CSMD2: variants seen among roughly 807,000 people sequenced by gnomAD.
CSMD2 encodes CUB and Sushi multiple domains 2.
Under a neutral mutation model 398.5 loss-of-function variants are expected in CSMD2, and 130 were observed. That is an observed-to-expected ratio of 0.33 (90% CI 0.28 to 0.38). CSMD2 has a LOEUF of 0.38. Ranked by LOEUF, CSMD2 falls within the 10% of genes least tolerant of loss-of-function variation. The pLI, the probability that CSMD2 is intolerant of heterozygous loss-of-function variation, is 1.00. For synonymous variants in CSMD2, 1,828 were observed against 1,908.5 expected (o/e 0.96, Z 1.10); for missense variants, 3,829 against 4,764.9 (o/e 0.80, Z 5.78).
intron 29 of CSMD2, among the ~76,000 whole-genome samples, chr1:33,637,648 A>G (rs1480038707): frequency 6.6e-6 from 1 of 152,220 alleles, no homozygotes; most frequent in East Asian, 1.9e-4. Context: ...GGGCAGTAAC[A>G]GGATACAGCT....
chr1:33,730,870 C>A (rs950759454), intron 15 of CSMD2, among the ~76,000 whole-genome samples: 2 of 152,136 alleles, frequency 1.3e-5, no homozygotes, highest in African/African-American at 4.8e-5. Flanking sequence ...AAAACTGTTT[C>A]CTAGCTGTGT....
At chr1:33,613,117 AC>A (rs1172395190) in intron 40 of CSMD2, among the ~76,000 whole-genome samples, 10 of 152,212 alleles carry the variant, frequency 6.6e-5, no homozygotes, top group South Asian at 2.1e-4. Context: ...GAGACCAGGT[AC>A]CAAGTTAGGG....
At position 33,633,637 on chromosome 1, in the gene CSMD2, G is replaced by A; in HGVS notation, c.5087-102C>T. 1 of 818,630 alleles carries A rather than the reference G, an allele frequency of 1.2e-6. No homozygotes were observed. Among genetic ancestry groups the A allele is most frequent in the South Asian group, 1.5e-5 (1 of 64,670 alleles). The allele number at this position is 818,630 out of a possible 1,614,324, so 50.7% of individuals were successfully genotyped here. ...AAGCCAGGAGGAGGGCAGCCCTGGGGAAGTTGTTGGTTCCTGGGCTGTGGC... is the reference window on the plus strand; with the variant it reads ...AAGCCAGGAGGAGGGCAGCCCTGGGAAAGTTGTTGGTTCCTGGGCTGTGGC... On this transcript the variant is annotated intron_variant, in intron 31 of 70. Transcript: ENST00000373381. This position sits in a 1 kb window ranked among gnomAD's most constrained non-coding sequence, Gnocchi z 5.0.
chr1:34,081,165 G>C (rs965997846), intron 2 of CSMD2, among the ~76,000 whole-genome samples: 5 of 152,176 alleles, frequency 3.3e-5, no homozygotes, highest in African/African-American at 1.2e-4. Context: ...GGAAATCTCA[G>C]TAGATTAAAA....
intron 5 of CSMD2, among the ~76,000 whole-genome samples, chr1:33,876,045 C>A (rs1558039837): frequency 6.6e-6 from 1 of 152,212 alleles, no homozygotes; most frequent in South Asian, 2.1e-4. Context: ...GCCAGGCCAG[C>A]TTGCAGCCAT....
Position 33,976,726 on chromosome 1 carries a change from A to T in CSMD2, c.518-40772T>A, listed in dbSNP as rs74068664. Among the ~76,000 whole-genome samples, 1,398 of 152,252 alleles carry T rather than the reference A, an allele frequency of 9.2e-3. 17 individuals carry two copies. Among genetic ancestry groups the T allele is most frequent in the African/African-American group, 0.032 (1,320 of 41,556 alleles). ...TGATGAGGCCTCTGGCTCTGCCACA[A>T]TGTGACACTGGGCAACTCTGAACTG... On this transcript the variant is annotated intron_variant, in intron 3 of 70. Coordinates refer to ENST00000373381, the MANE Select transcript of CSMD2 (RefSeq NM_001281956.2).
At chr1:33,755,842 G>T (rs961721612) in intron 13 of CSMD2, among the ~76,000 whole-genome samples, 1 of 150,748 alleles carries the variant, frequency 6.6e-6, no homozygotes. Context: ...AGAGATGTGT[G>T]TGTGCGGGGG....
chr1:33,542,707 C>T lies in CSMD2; in HGVS notation c.9277+13G>A. 1 of 1,610,548 alleles carries T rather than the reference C, an allele frequency of 6.2e-7. No individual in the cohort carries two copies. The highest frequency in any genetic ancestry group is 1.7e-5 in the Admixed American group (1 of 59,762). Reference sequence around the variant, plus strand: ...ACTGTTGGCCATGGAACCCGTAGGGCCTGAGCTCTCACCGAGGCACTCAGG... The same window carrying T: ...ACTGTTGGCCATGGAACCCGTAGGGTCTGAGCTCTCACCGAGGCACTCAGG... On this transcript the variant is annotated intron_variant, in intron 58 of 70. Coordinates refer to ENST00000373381, the MANE Select transcript of CSMD2 (RefSeq NM_001281956.2).
intron 2 of CSMD2, among the ~76,000 whole-genome samples, chr1:34,074,056 C>T (rs1044281535): frequency 1.3e-5 from 2 of 152,200 alleles, no homozygotes; most frequent in African/African-American, 2.4e-5. Flanking sequence ...AACGTCAGGA[C>T]AGCACCAAGA....
At chr1:33,891,274 T>C (rs559456726) in intron 5 of CSMD2, among the ~76,000 whole-genome samples, 82 of 151,358 alleles carry the variant, frequency 5.4e-4, no homozygotes, top group African/African-American at 1.9e-3. Flanking sequence ...AAGACATTTA[T>C]GCAGCCAAAA....
chr1:33,689,219 G>A (rs1432787987), intron 25 of CSMD2, among the ~76,000 whole-genome samples: 1 of 152,110 alleles, frequency 6.6e-6, no homozygotes, highest in Non-Finnish European at 1.5e-5. Flanking sequence ...AGACTGGGGT[G>A]GGAGAATGAG....
chr1:33,808,062 C>A (rs918551005), intron 10 of CSMD2, among the ~76,000 whole-genome samples: 5 of 151,956 alleles, frequency 3.3e-5, no homozygotes, highest in African/African-American at 1.2e-4. Context: ...TTCAATTTAC[C>A]AGGAAGATAT....
At chr1:33,590,857 G>T (rs1400049063) in intron 44 of CSMD2, among the ~76,000 whole-genome samples, 1 of 152,096 alleles carries the variant, frequency 6.6e-6, no homozygotes, top group Middle Eastern at 3.2e-3. Flanking sequence ...CTTTATTAAT[G>T]TTAAGCAGCA....
chr1:33,813,297 T>G (rs1358530026), intron 9 of CSMD2: 1 of 152,160 alleles, frequency 6.6e-6, no homozygotes, highest in African/African-American at 2.4e-5. Context: ...TTAAACTAGG[T>G]TCAAAATGAA....
chr1:33,783,295 C>G (rs182025010), intron 12 of CSMD2, among the ~76,000 whole-genome samples: 1 of 152,096 alleles, frequency 6.6e-6, no homozygotes, highest in African/African-American at 2.4e-5. Context: ...TATTGAGGCT[C>G]TTAGCCCCCA....
At chr1:33,972,017 G>A (rs1035641915) in intron 3 of CSMD2, among the ~76,000 whole-genome samples, 9 of 152,126 alleles carry the variant, frequency 5.9e-5, no homozygotes, top group East Asian at 1.9e-4. Flanking sequence ...GGACTGCTGC[G>A]TAGGAGGTGA....
intron 53 of CSMD2, among the ~76,000 whole-genome samples, chr1:33,566,021 T>C (rs771924034): frequency 3.4e-5 from 5 of 145,720 alleles, no homozygotes; most frequent in Non-Finnish European, 7.6e-5. Flanking sequence ...GATAAAGAGG[T>C]GAAAATAATG....
chr1:33,680,697 C>T (rs1480075967), intron 25 of CSMD2, among the ~76,000 whole-genome samples: 2 of 152,100 alleles, frequency 1.3e-5, no homozygotes, highest in Non-Finnish European at 2.9e-5. Context: ...ATTCTCTTTT[C>T]CCTACATGAG....
At chr1:33,860,793 G>C (rs762130313) in intron 5 of CSMD2, 5 of 152,228 alleles carry the variant, frequency 3.3e-5, no homozygotes, top group Non-Finnish European at 5.9e-5. Flanking sequence ...CAAGTAAAGA[G>C]GATCTCACAG....
Sources: allele counts gnomAD v4.1 joint callset (sites outside exome capture counted in the v4.1 genomes callset), GRCh38; gene constraint gnomAD v4.1.1; non-coding constraint Gnocchi (gnomAD v3.1); transcripts MANE v1.5; gene names NCBI Gene and HGNC (gene_info 2026-07-23, HGNC 2026-07-21).